PLCB1: variants seen among roughly 807,000 people sequenced by gnomAD.
PLCB1 encodes phospholipase C beta 1.
In PLCB1, 46 loss-of-function variants were observed where a neutral mutation model predicts 161.8. The observed-to-expected ratio is 0.28, with a 90% CI of 0.22 to 0.36. The LOEUF (loss-of-function observed/expected upper bound fraction) is 0.36. PLCB1 is among the 10% of genes least tolerant of loss of function. PLCB1 has a pLI of 1.00. For synonymous variants in PLCB1, 517 were observed against 503.7 expected (o/e 1.03, Z -0.35); for missense variants, 1,016 against 1,472.5 (o/e 0.69, Z 5.07).
intron 2 of PLCB1, among the ~76,000 whole-genome samples, chr20:8,246,906 G>A (rs1980905763): frequency 6.6e-6 from 1 of 151,768 alleles, no homozygotes; most frequent in Non-Finnish European, 1.5e-5. Flanking sequence ...TGCTCTTGAA[G>A]TCCTTATGTC....
chr20:8,592,031 C>A (rs752687326), intron 3 of PLCB1, among the ~76,000 whole-genome samples: 2 of 152,062 alleles, frequency 1.3e-5, no homozygotes, highest in East Asian at 3.9e-4. Context: ...TCCATATACA[C>A]CTTATACATG....
intron 2 of PLCB1, among the ~76,000 whole-genome samples, chr20:8,340,524 G>A (rs1249695794): frequency 3.9e-5 from 6 of 152,066 alleles, no homozygotes; most frequent in East Asian, 3.9e-4. Context: ...CCGGGTTCAC[G>A]CCATTCTCCT....
chr20:8,675,204 G>A (rs978645737), intron 9 of PLCB1, among the ~76,000 whole-genome samples: 3 of 152,086 alleles, frequency 2.0e-5, no homozygotes, highest in Non-Finnish European at 2.9e-5. Flanking sequence ...CTTTAGAAAC[G>A]TAGGGAGTTG....
At chr20:8,675,876 T>TA (rs1180184445) in intron 9 of PLCB1, among the ~76,000 whole-genome samples, 2 of 152,190 alleles carry the variant, frequency 1.3e-5, no homozygotes, top group South Asian at 4.1e-4. Flanking sequence ...AGTTATTTTA[T>TA]AAAAAACCTT....
intron 3 of PLCB1, among the ~76,000 whole-genome samples, chr20:8,614,361 TAC>T (rs1004096138): frequency 2.1e-5 from 3 of 142,606 alleles, no homozygotes. Context: ...CATATACACA[TAC>T]ACACACACAG....
chr20:8,370,466 A>G (rs910235300), intron 2 of PLCB1, among the ~76,000 whole-genome samples: 1 of 152,038 alleles, frequency 6.6e-6, no homozygotes, highest in Non-Finnish European at 1.5e-5. Flanking sequence ...ATGCTTCTCT[A>G]TCCTTCTCCC....
chr20:8,346,490 TTC>T (rs1292085011), intron 2 of PLCB1, among the ~76,000 whole-genome samples: 1 of 152,226 alleles, frequency 6.6e-6, no homozygotes, highest in Non-Finnish European at 1.5e-5. Context: ...CTTCCTAACA[TTC>T]TCTTTCTTTT....
chr20:8,794,827 G>T (rs1983937688), intron 31 of PLCB1, among the ~76,000 whole-genome samples: 1 of 152,152 alleles, frequency 6.6e-6, no homozygotes, highest in Non-Finnish European at 1.5e-5. Flanking sequence ...CAGATATTTT[G>T]TAAATCTTTC....
chr20:8,657,270 C>G lies in PLCB1; in HGVS notation c.681C>G (p.Asn227Lys), dbSNP rs1255392473. The G allele has an allele frequency of 6.3e-7, 1 of 1,588,172 alleles. No homozygotes were observed. Among genetic ancestry groups the G allele is most frequent in the East Asian group, 2.2e-5 (1 of 44,740 alleles). Residue 227 changes from asparagine to lysine, a missense_variant, in exon 8 of 32, where the codon AAC becomes AAG. Asn to Lys is a moderately conservative substitution (Grantham distance 94). Coordinates refer to ENST00000338037, the MANE Select transcript of PLCB1 (RefSeq NM_015192.4). ...TTTGCCCTCGACCTGAAATTGATAA[C>G]ATCTTTTCAGAATTGTAAGAGTACA... ...NNLCPRPEID[N>K]IFSEFGAKSK...
chr20:8,233,096 G>T (rs943883102), intron 2 of PLCB1, among the ~76,000 whole-genome samples: 2 of 152,174 alleles, frequency 1.3e-5, no homozygotes, highest in African/African-American at 4.8e-5. Context: ...TGGATTGAGA[G>T]CATGACCACC....
At chr20:8,741,439 T>C (rs376765555) in intron 22 of PLCB1, 25 bp from the exon 23 acceptor site, 214 of 1,494,466 alleles carry the variant, frequency 1.4e-4, no homozygotes, top group Non-Finnish European at 4.5e-5. Flanking sequence ...GGACCTTTGA[T>C]CTAAAATATC....
At chr20:8,159,233 C>T (rs548449075) in intron 2 of PLCB1, among the ~76,000 whole-genome samples, 1 of 152,196 alleles carries the variant, frequency 6.6e-6, no homozygotes. Context: ...TCTGTGCACC[C>T]ACAGACTCAA....
At chr20:8,357,137 G>T (rs1199718740) in intron 2 of PLCB1, among the ~76,000 whole-genome samples, 4 of 152,078 alleles carry the variant, frequency 2.6e-5, no homozygotes, top group Non-Finnish European at 5.9e-5. Flanking sequence ...ATACACCCAG[G>T]GATGGTGACC....
intron 2 of PLCB1, among the ~76,000 whole-genome samples, chr20:8,240,289 C>T (rs1011249715): frequency 2.6e-5 from 4 of 150,986 alleles, no homozygotes; most frequent in Non-Finnish European, 4.4e-5. Flanking sequence ...GACACACACA[C>T]ACACACACAC....
At chr20:8,175,469 A>AT (rs2051773219) in intron 2 of PLCB1, among the ~76,000 whole-genome samples, 1 of 32,476 alleles carries the variant, frequency 3.1e-5, no homozygotes, top group African/African-American at 4.6e-4. Flanking sequence ...AAAAATAAAA[A>AT]AAAAAGTATA....
intron 3 of PLCB1, among the ~76,000 whole-genome samples, chr20:8,562,316 G>C (rs6118251): frequency 6.6e-6 from 1 of 152,024 alleles, no homozygotes; most frequent in African/African-American, 2.4e-5. Flanking sequence ...CACACTATGT[G>C]AGTGTGAAAA....
At chr20:8,560,849 A>C (rs1030327129) in intron 3 of PLCB1, among the ~76,000 whole-genome samples, 1 of 151,972 alleles carries the variant, frequency 6.6e-6, no homozygotes, top group African/African-American at 2.4e-5. Context: ...AAATTTCTTT[A>C]AGCCACAGAA....
At chr20:8,760,735 G>A (rs756971541) in intron 25 of PLCB1, among the ~76,000 whole-genome samples, 4 of 152,162 alleles carry the variant, frequency 2.6e-5, no homozygotes, top group Non-Finnish European at 5.9e-5. Context: ...GTTTCATGCT[G>A]GAAATGTAAC....
intron 2 of PLCB1, among the ~76,000 whole-genome samples, chr20:8,246,188 A>C (rs1230850900): frequency 2.6e-5 from 4 of 151,920 alleles, no homozygotes; most frequent in Admixed American, 1.3e-4. Context: ...GCCATCCCAA[A>C]ATGTAGTGAT....
Sources: allele counts gnomAD v4.1 joint callset (sites outside exome capture counted in the v4.1 genomes callset), GRCh38; gene constraint gnomAD v4.1.1; transcripts MANE v1.5; gene names NCBI Gene and HGNC (gene_info 2026-07-23, HGNC 2026-07-21).